The following ANK1 variants were observed in gnomAD, a reference collection of about 807,000 sequenced individuals.
The protein encoded by ANK1 is ankyrin-1.
In ANK1, 51 loss-of-function variants were observed where a neutral mutation model predicts 210.4. That is an observed-to-expected ratio of 0.24 (90% CI 0.19 to 0.31). The LOEUF (loss-of-function observed/expected upper bound fraction) is 0.31. Ranked by LOEUF, ANK1 falls within the 10% of genes least tolerant of loss-of-function variation. The pLI, the probability that ANK1 is intolerant of heterozygous loss-of-function variation, is 1.00. For missense variants in ANK1, 2,051 were observed against 2,504.4 expected, an observed-to-expected ratio of 0.82 and a Z score of 3.86; for synonymous variants, 967 against 1,025.9, an observed-to-expected ratio of 0.94 and a Z score of 1.10.
At chr8:41,739,033 A>AG (rs1834072883) in intron 2 of ANK1, among the ~76,000 whole-genome samples, 1 of 152,236 alleles carries the variant, frequency 6.6e-6, no homozygotes, top group African/African-American at 2.4e-5. Flanking sequence ...CCTGGAGGAA[A>AG]ACACCAGTTC....
chr8:41,716,222 G>A (rs985115906), intron 13 of ANK1, among the ~76,000 whole-genome samples: 1 of 152,064 alleles, frequency 6.6e-6, no homozygotes, highest in Non-Finnish European at 1.5e-5. Flanking sequence ...CAGTGTGGCT[G>A]CTCATCCGTC....
chr8:41,832,624 C>A (rs2150798625), intron 1 of ANK1, among the ~76,000 whole-genome samples: 1 of 152,272 alleles, frequency 6.6e-6, no homozygotes, highest in South Asian at 2.1e-4. Flanking sequence ...TGGGGAGGAC[C>A]CCCTCTTCTT....
chr8:41,794,250 A>G (rs1848304263), intron 1 of ANK1, among the ~76,000 whole-genome samples: 1 of 152,122 alleles, frequency 6.6e-6, no homozygotes, highest in Non-Finnish European at 1.5e-5. Flanking sequence ...CCCCTTTCCC[A>G]ATCTCTCTGA....
At chr8:41,752,398 CG>C (rs924220834) in intron 2 of ANK1, among the ~76,000 whole-genome samples, 9 of 152,158 alleles carry the variant, frequency 5.9e-5, no homozygotes, top group African/African-American at 1.9e-4. Flanking sequence ...CATCAGCCCC[CG>C]TCAGCACTCG....
chr8:41,734,144 G>A (rs1330951407), intron 2 of ANK1, 75 bp from the exon 3 acceptor site: 5 of 1,285,646 alleles, frequency 3.9e-6, no homozygotes, highest in South Asian at 1.2e-5. Flanking sequence ...GGGGGCCCAG[G>A]CCCCTTCCCA....
chr8:41,864,921 G>A (rs1215824891), intron 1 of ANK1, among the ~76,000 whole-genome samples: 1 of 152,202 alleles, frequency 6.6e-6, no homozygotes. Context: ...CCTCTCAGGG[G>A]AGGTCTGTCT....
At chr8:41,675,874 TC>T (rs1813979376) in intron 37 of ANK1, among the ~76,000 whole-genome samples, 3 of 152,260 alleles carry the variant, frequency 2.0e-5, no homozygotes, top group Admixed American at 6.5e-5. Flanking sequence ...ATGCACTCTC[TC>T]TTTCTTTAAA....
intron 1 of ANK1, among the ~76,000 whole-genome samples, chr8:41,842,320 C>T (rs1025432443): frequency 1.3e-5 from 2 of 152,128 alleles, no homozygotes; most frequent in Middle Eastern, 3.4e-3. Flanking sequence ...GTGAAACCCC[C>T]GTCTCTACTA....
intron 1 of ANK1, among the ~76,000 whole-genome samples, chr8:41,850,992 C>T (rs1184273993): frequency 1.3e-5 from 2 of 152,218 alleles, no homozygotes; most frequent in Non-Finnish European, 2.9e-5. Context: ...AAAGAGAAGA[C>T]TGGTTGAGAT....
At chr8:41,747,385 G>A (rs1416948397) in intron 2 of ANK1, among the ~76,000 whole-genome samples, 1 of 152,004 alleles carries the variant, frequency 6.6e-6, no homozygotes, top group Non-Finnish European at 1.5e-5. Flanking sequence ...CCCTCTCTTT[G>A]CCACACTGTA....
Position 41,696,478 on chromosome 8 carries a change from T to C in ANK1, c.2845A>G (p.Ile949Val), listed in dbSNP as rs1322765204. Residue 949 changes from isoleucine to valine, a missense_variant, in exon 26 of 43, where the codon ATC becomes GTC. Ile to Val is a conservative substitution (Grantham distance 29). Coordinates refer to ENST00000289734, the MANE Select transcript of ANK1 (RefSeq NM_000037.4). ...TGGGGCTTGACCAGGCGGCAGGTGA[T>C]GCGGGTGGGCGCTGCGCACGTCCGT... Reference protein sequence around the residue: ...PPRTCAAPTRITCRLVKPQKL... With the variant: ...PPRTCAAPTRVTCRLVKPQKL... 6 of 1,613,422 alleles carry C rather than the reference T, an allele frequency of 3.7e-6. No homozygotes were observed. In the South Asian group the frequency reaches 5.5e-5, roughly 15 times the overall value.
chr8:41,665,071 AC>A, intron 39 of ANK1: 9 of 1,600,028 alleles, frequency 5.6e-6, no homozygotes, highest in Non-Finnish European at 7.7e-6. Context: ...GGCCCCGGCC[AC>A]CACGGGGGGC....
At chr8:41,810,586 C>G (rs1193399206) in intron 1 of ANK1, among the ~76,000 whole-genome samples, 1 of 152,226 alleles carries the variant, frequency 6.6e-6, no homozygotes, top group African/African-American at 2.4e-5. Flanking sequence ...GTCCATCGGG[C>G]CACACAGGAG....
intron 25 of ANK1, 35 bp from the exon 26 acceptor site, chr8:41,696,622 A>C (rs1375228898): frequency 6.2e-7 from 1 of 1,611,476 alleles, no homozygotes; most frequent in African/African-American, 1.3e-5. Context: ...GGGCTTCTGC[A>C]TCCCCTCTCG....
intron 9 of ANK1, among the ~76,000 whole-genome samples, chr8:41,720,333 T>TTGAATGAATGAA (rs950705408): frequency 6.6e-6 from 1 of 152,168 alleles, no homozygotes; most frequent in African/African-American, 2.4e-5. Context: ...TTATGTGATT[T>TTGAATGAATGAA]TGAATGAATG....
intron 1 of ANK1, among the ~76,000 whole-genome samples, chr8:41,805,181 CTT>C (rs200319743): frequency 1.3e-5 from 2 of 149,696 alleles, no homozygotes; most frequent in Admixed American, 6.7e-5. Context: ...TTCTTTCTTT[CTT>C]TCTCTCTCTC....
intron 1 of ANK1, among the ~76,000 whole-genome samples, chr8:41,842,361 T>G (rs753237936): frequency 1.3e-5 from 2 of 151,836 alleles, no homozygotes; most frequent in Non-Finnish European, 2.9e-5. Flanking sequence ...GGCGTGGTGG[T>G]GGGCGCCTAT....
chr8:41,842,839 G>A (rs202224666), intron 1 of ANK1, among the ~76,000 whole-genome samples: 2 of 152,044 alleles, frequency 1.3e-5, no homozygotes, highest in East Asian at 3.8e-4. Flanking sequence ...ACATTTTTGG[G>A]GGGTTGTTCA....
At chr8:41,667,123 G>A (rs931586294) in intron 39 of ANK1, among the ~76,000 whole-genome samples, 3 of 152,238 alleles carry the variant, frequency 2.0e-5, no homozygotes, top group African/African-American at 4.8e-5. Context: ...TGGAAGAAAC[G>A]GACGGGCCGC....
Sources: gnomAD v4.1 joint callset for allele counts (sites outside exome capture counted in the v4.1 genomes callset) on GRCh38, gnomAD v4.1.1 for gene constraint, MANE v1.5 for transcripts, NCBI Gene and HGNC (gene_info 2026-07-23, HGNC 2026-07-21) for gene names.